Variants in EGFLAM observed in about 807,000 individuals in gnomAD.
EGFLAM encodes the protein pikachurin.
In EGFLAM, 79 loss-of-function variants were observed where a neutral mutation model predicts 113.1. The ratio of observed to expected loss-of-function variants is 0.70; its 90% CI spans 0.58 to 0.84. The LOEUF (loss-of-function observed/expected upper bound fraction) is 0.84, where lower values mean the gene tolerates loss of function less well. EGFLAM is among the 40% of genes least tolerant of loss of function. EGFLAM has a pLI of 0.00. For synonymous variants in EGFLAM, 504 were observed against 487.6 expected (o/e 1.03, Z -0.44); for missense variants, 1,265 against 1,291.6 (o/e 0.98, Z 0.32).
intron 3 of EGFLAM, chr5:38,345,934 G>A (rs1261917597): frequency 1.3e-5 from 2 of 152,196 alleles, no homozygotes; most frequent in Non-Finnish European, 2.9e-5. Flanking sequence ...TTCCATTTGA[G>A]AGGAGAGATG....
At position 38,402,882 on chromosome 5, in the gene EGFLAM, G is replaced by A. The variant is rs554288427; in HGVS notation, c.713-3244G>A. 3.0e-3 allele frequency among the ~76,000 whole-genome samples: 458 copies of A among 152,288 alleles called. 8 individuals carry two copies. Among genetic ancestry groups the A allele is most frequent in the Non-Finnish European group, 1.4e-3 (96 of 68,024 alleles). ...TGTAGGCAGTGGAGAGTCACTGAAG[G>A]TGATTTTTCAGATAGGAAATCATAG... is the stretch of plus-strand genomic sequence containing the variant. On this transcript the variant is annotated intron_variant, in intron 6 of 21. Transcript: ENST00000322350.
chr5:38,295,490 A>G (rs1758431928), intron 1 of EGFLAM, among the ~76,000 whole-genome samples: 1 of 152,222 alleles, frequency 6.6e-6, no homozygotes, highest in Non-Finnish European at 1.5e-5. Context: ...ACCAAACAGA[A>G]CACCCCTTTT....
intron 3 of EGFLAM, chr5:38,346,688 C>G (rs1739480315): frequency 6.7e-6 from 1 of 148,392 alleles, no homozygotes; most frequent in Non-Finnish European, 1.5e-5. Flanking sequence ...AGTAAAGGAT[C>G]CTAAAGCAAA....
At chr5:38,282,676 A>T (rs144933057) in intron 1 of EGFLAM, 32 of 152,312 alleles carry the variant, frequency 2.1e-4, no homozygotes, top group African/African-American at 7.5e-4. Context: ...AACTTTATTT[A>T]GAAACTTAAG....
chr5:38,403,581 T>C, intron 6 of EGFLAM: 1 of 420,310 alleles, frequency 2.4e-6, no homozygotes, highest in Non-Finnish European at 4.3e-6. Context: ...AGGGAGCATA[T>C]GGAGCACGGA....
intron 1 of EGFLAM, among the ~76,000 whole-genome samples, chr5:38,260,811 G>A (rs1004777782): frequency 6.6e-6 from 1 of 152,178 alleles, no homozygotes; most frequent in Non-Finnish European, 1.5e-5. Flanking sequence ...CCCTTGGAAA[G>A]ACTAGTTTTT....
intron 5 of EGFLAM, among the ~76,000 whole-genome samples, chr5:38,360,641 C>T (rs1739895260): frequency 6.6e-6 from 1 of 152,090 alleles, no homozygotes; most frequent in Non-Finnish European, 1.5e-5. Context: ...TAATAATTTA[C>T]TTGCTTCATG....
intron 5 of EGFLAM, among the ~76,000 whole-genome samples, chr5:38,352,646 CAAA>C (rs541898872): frequency 2.2e-5 from 2 of 91,850 alleles, no homozygotes; most frequent in Non-Finnish European, 4.6e-5. Context: ...GACTCCATCC[CAAA>C]AAAAAAAAAA....
At chr5:38,288,473 A>G (rs1328129142) in intron 1 of EGFLAM, among the ~76,000 whole-genome samples, 1 of 152,228 alleles carries the variant, frequency 6.6e-6, no homozygotes, top group East Asian at 1.9e-4. Flanking sequence ...TCCTTTCACA[A>G]TTGTACTTTA....
chr5:38,324,043 CAAAA>C (rs34351121), intron 1 of EGFLAM, among the ~76,000 whole-genome samples: 9 of 92,284 alleles, frequency 9.8e-5, no homozygotes, highest in African/African-American at 1.6e-4. Context: ...CCATCTCAAA[CAAAA>C]AAAAAAAAAA....
At chr5:38,281,251 A>C (rs2111753460) in intron 1 of EGFLAM, among the ~76,000 whole-genome samples, 1 of 152,286 alleles carries the variant, frequency 6.6e-6, no homozygotes, top group South Asian at 2.1e-4. Flanking sequence ...TATTATGCTA[A>C]GTTTTGATTA....
chr5:38,330,248 A>G (rs1045578016), intron 1 of EGFLAM, among the ~76,000 whole-genome samples: 3 of 152,224 alleles, frequency 2.0e-5, no homozygotes, highest in Non-Finnish European at 4.4e-5. Context: ...GGTCTCACCA[A>G]TTGGATATAC....
chr5:38,350,581 G>T lies in EGFLAM; in HGVS notation c.372G>T (p.Arg124=). ...CTTACAGCCAGGCTGGCAAAGGGCGGCTGAGCTCTCCTCGGCATGTCACCA... is the reference window on the plus strand; with the variant it reads ...CTTACAGCCAGGCTGGCAAAGGGCGTCTGAGCTCTCCTCGGCATGTCACCA... ...IAAYSQAGKG[R]LSSPRHVTTL... The change falls in exon 4 of 22, where the codon CGG becomes CGT. Residue 124 remains arginine, a synonymous_variant. Coordinates refer to ENST00000322350, the MANE Select transcript of EGFLAM (RefSeq NM_152403.4). 2 of 1,614,072 alleles carry T rather than the reference G, an allele frequency of 1.2e-6. No individual in the cohort carries two copies. Among genetic ancestry groups the T allele is most frequent in the Non-Finnish European group, 1.7e-6 (2 of 1,179,968 alleles).
chr5:38,306,352 C>T (rs778594145), intron 1 of EGFLAM, among the ~76,000 whole-genome samples: 1 of 152,088 alleles, frequency 6.6e-6, no homozygotes, highest in Non-Finnish European at 1.5e-5. Flanking sequence ...AGACAATGGG[C>T]CCCAGAAGAA....
At chr5:38,429,840 A>C (rs1212199399) in intron 14 of EGFLAM, 1 of 152,660 alleles carries the variant, frequency 6.6e-6, no homozygotes, top group East Asian at 1.9e-4. Flanking sequence ...ATATCTGTCC[A>C]TCCATCCTTC....
At chr5:38,276,561 G>T (rs1757891566) in intron 1 of EGFLAM, among the ~76,000 whole-genome samples, 1 of 151,526 alleles carries the variant, frequency 6.6e-6, no homozygotes, top group South Asian at 2.1e-4. Flanking sequence ...TAGTGGAAGA[G>T]AATAATAAAG....
Position 38,427,214 on chromosome 5 carries a change from G to T in EGFLAM, c.2016G>T (p.Glu672Asp), listed in dbSNP as rs140090894. ...LSINLAGGHV[E>D]FRFDCGSGTG... Reference sequence around the variant, plus strand: ...TCAACTTGGCAGGGGGCCACGTGGAGTTCCGCTTTGACTGTGGCTCTGGGA... The same window carrying T: ...TCAACTTGGCAGGGGGCCACGTGGATTTCCGCTTTGACTGTGGCTCTGGGA... The change falls in exon 14 of 22, where the codon GAG (glutamate) becomes GAT (aspartate). Residue 672 changes from glutamate to aspartate, a missense_variant. By Grantham distance (45) the Glu-to-Asp change is conservative. Transcript: ENST00000322350. 6.4e-5 allele frequency: 104 copies of T among 1,614,182 alleles called. No homozygotes were observed. In the African/African-American group the frequency reaches 1.3e-3, roughly 20 times the overall value.
intron 11 of EGFLAM, among the ~76,000 whole-genome samples, chr5:38,416,921 G>A (rs1455426596): frequency 1.3e-5 from 2 of 152,104 alleles, no homozygotes; most frequent in Admixed American, 6.5e-5. Context: ...CCACTTGCTG[G>A]TAACAGAAGT....
intron 18 of EGFLAM, among the ~76,000 whole-genome samples, chr5:38,450,878 G>A (rs1441651340): frequency 6.6e-6 from 1 of 152,228 alleles, no homozygotes; most frequent in Non-Finnish European, 1.5e-5. Context: ...TTGTCCCCAA[G>A]GACAGTCACC....
Sources: gnomAD v4.1 joint callset for allele counts (sites outside exome capture counted in the v4.1 genomes callset) on GRCh38, gnomAD v4.1.1 for gene constraint, MANE v1.5 for transcripts, NCBI Gene and HGNC (gene_info 2026-07-23, HGNC 2026-07-21) for gene names.